Variants in MX1 observed in about 807,000 individuals in gnomAD.
The protein encoded by MX1 is interferon-induced GTP-binding protein Mx1.
MX1 carries 66 observed loss-of-function variants against 66.4 expected under a neutral mutation model. The ratio of observed to expected loss-of-function variants is 0.99; its 90% CI spans 0.82 to 1.22. The LOEUF (loss-of-function observed/expected upper bound fraction) is 1.22. MX1 is among the 50% of genes most tolerant of loss of function. The pLI is 0.00. For synonymous variants in MX1, 311 were observed against 318.1 expected, an observed-to-expected ratio of 0.98 and a Z score of 0.24; for missense variants, 787 against 834.3, an observed-to-expected ratio of 0.94 and a Z score of 0.70.
rs201917562 is a variant in MX1 at position 41,439,694 on chromosome 21, C to A, written c.437C>A (p.Ala146Asp). 1.5e-5 allele frequency: 25 copies of A among 1,613,226 alleles called. No individual in the cohort carries two copies. Among genetic ancestry groups the A allele is most frequent in the Non-Finnish European group, 2.1e-5 (25 of 1,179,364 alleles). ...ASEVEKEINK[A>D]QNAIAGEGMG... ...TTGATTTTCCCTGTCTCTTTTCTAG[C>A]CCAGAATGCCATCGCCGGGGAAGGA... Residue 146 changes from alanine (A) to aspartate (D), a missense_variant and splice_region_variant, in exon 8 of 17, where the codon GCC (alanine) becomes GAC (aspartate). Ala to Asp is a moderately radical substitution (Grantham distance 126). Coordinates refer to ENST00000398598, the MANE Select transcript of MX1 (RefSeq NM_002462.5).
At chr21:41,437,304 C>A in intron 7 of MX1, 152 bp downstream of exon 7, 1 of 784,988 alleles carries the variant, frequency 1.3e-6, no homozygotes. Context: ...TCTTTTACCT[C>A]ATTATGACCA....
At chr21:41,425,667 C>T (rs1432711803), upstream of MX1, among the ~76,000 whole-genome samples, 2 of 152,114 alleles carry the variant, frequency 1.3e-5, no homozygotes, top group East Asian at 3.8e-4. Flanking sequence ...CACCCGTTTC[C>T]ACCCTGGAGA....
chr21:41,441,738 G>A lies in MX1; in HGVS notation c.753G>A (p.Leu251=), dbSNP rs867003385. Residue 251 remains leucine (L), a synonymous_variant, in exon 10 of 17, where the codon CTG becomes CTA. Coordinates refer to ENST00000398598, the MANE Select transcript of MX1 (RefSeq NM_002462.5). This position sits in a 1 kb window ranked among gnomAD's most constrained non-coding sequence, Gnocchi z 4.0. ...RTIGILTKPD[L]VDKGTEDKVV... is the part of the protein sequence containing the mutation. ...CAGGAATCTTGACGAAGCCTGATCTGGTGGACAAAGGAACTGAAGACAAGG... is the reference window on the plus strand; with the variant it reads ...CAGGAATCTTGACGAAGCCTGATCTAGTGGACAAAGGAACTGAAGACAAGG... The A allele has an allele frequency of 6.2e-7, 1 of 1,614,180 alleles. No individual in the cohort carries two copies. Among genetic ancestry groups the A allele is most frequent in the Middle Eastern group, 1.6e-4 (1 of 6,062 alleles).
intron 14 of MX1, among the ~76,000 whole-genome samples, chr21:41,450,012 C>T (rs1291082469): frequency 6.6e-6 from 1 of 152,180 alleles, no homozygotes; most frequent in Non-Finnish European, 1.5e-5. Flanking sequence ...ACGAGATACT[C>T]CTAAGGCTGG....
intron 11 of MX1, 71 bp downstream of exon 11, chr21:41,443,937 C>T: frequency 7.2e-7 from 1 of 1,386,012 alleles, no homozygotes; most frequent in East Asian, 2.3e-5. Flanking sequence ...TTGCTGGCTT[C>T]TTAAACATCA....
chr21:41,442,006 A>AGTGTGTGTGTGTGTGT, intron 10 of MX1, 92 bp downstream of exon 10: 2 of 909,314 alleles, frequency 2.2e-6, no homozygotes, highest in Non-Finnish European at 3.5e-6. Flanking sequence ...AGATGTGTGG[A>AGTGTGTGTGTGTGTGT]GTGTGTGTGT....
In MX1 at chr21:41,441,444, A is replaced by G; in HGVS notation, c.731-272A>G. 1 of 530,814 alleles carries G rather than the reference A, an allele frequency of 1.9e-6. No individual in the cohort carries two copies. The highest frequency in any genetic ancestry group is 3.4e-6 in the Non-Finnish European group (1 of 292,588). 32.9% of individuals were successfully genotyped at this position (530,814 alleles called of 1,614,324 possible). On this transcript the variant is annotated intron_variant, in intron 9 of 16. Coordinates refer to ENST00000398598, the MANE Select transcript of MX1 (RefSeq NM_002462.5). The surrounding 1 kb of genome is among the most constrained non-coding windows in gnomAD (Gnocchi z 4.0). ...GGGATGTCCATAACTCAAGGGATAA[A>G]CAAAACGTGGCGTGTTCTACAGTGG... is the stretch of plus-strand genomic sequence containing the variant.
At chr21:41,447,720 C>T (rs1007255108) in intron 13 of MX1, among the ~76,000 whole-genome samples, 7 of 152,052 alleles carry the variant, frequency 4.6e-5, no homozygotes, top group African/African-American at 1.7e-4. Flanking sequence ...CTAAAATTCA[C>T]TCACCCATAC....
At chr21:41,435,665 A>G (rs1055654132) in intron 5 of MX1, among the ~76,000 whole-genome samples, 172 bp from the exon 6 acceptor site, 1 of 152,182 alleles carries the variant, frequency 6.6e-6, no homozygotes, top group Non-Finnish European at 1.5e-5. Context: ...TGAGAACAGC[A>G]TGGGGGAAAC....
rs10693544 is a variant in MX1 at position 41,442,006 on chromosome 21, AGTGTGTGT to A, written c.929+104_929+111del. 5.3e-5 allele frequency: 48 copies of A among 909,914 alleles called. No individual in the cohort carries two copies. In the East Asian group the frequency reaches 1.1e-3, roughly 21 times the overall value. The allele number at this position is 909,914 out of a possible 1,614,324, so 56.4% of individuals were successfully genotyped here. ...TGGCAGCCGTCCCACAGATGTGTGG[AGTGTGTGT>A]GTGTGTGTGTGCGTGTGTGTGTGTG... On this transcript the variant is annotated intron_variant, in intron 10 of 16. Coordinates refer to ENST00000398598, the MANE Select transcript of MX1 (RefSeq NM_002462.5).
At position 41,440,873 on chromosome 21, in the gene MX1, T is replaced by A. The variant is rs1225683062; in HGVS notation, c.592-14T>A. 1 of 1,614,098 alleles carries A rather than the reference T, an allele frequency of 6.2e-7. No individual in the cohort carries two copies. The highest frequency in any genetic ancestry group is 8.5e-7 in the Non-Finnish European group (1 of 1,179,960). On this transcript the variant is annotated splice_polypyrimidine_tract_variant and intron_variant, in intron 8 of 16. Transcript: ENST00000398598. ...TGCCATACTCACGAGTCACCTCCTC[T>A]CATTTCCTTACAGATCAAGACACTC... is the stretch of plus-strand genomic sequence containing the variant.
At chr21:41,447,579 C>G (rs532883816) in intron 13 of MX1, among the ~76,000 whole-genome samples, 2 of 152,220 alleles carry the variant, frequency 1.3e-5, no homozygotes, top group South Asian at 4.2e-4. Context: ...CAGGCAAACC[C>G]AGGCAGGCAG....
At chr21:41,439,659 C>T in intron 7 of MX1, 35 bp from the exon 8 acceptor site, 2 of 1,606,078 alleles carry the variant, frequency 1.2e-6, no homozygotes, top group South Asian at 1.1e-5. Flanking sequence ...ATCCTAAGCT[C>T]TGTTTGGGTT....
upstream of MX1, chr21:41,423,387 C>T (rs1291664493): frequency 2.0e-5 from 3 of 152,220 alleles, no homozygotes; most frequent in African/African-American, 7.2e-5. Context: ...GGGAGGGAAC[C>T]CAAAGGGGGT....
rs193121938 is a variant in MX1, at chr21:41,451,555, C to T, written c.1509+312C>T. On this transcript the variant is annotated intron_variant, in intron 15 of 16. Transcript: ENST00000398598. ...CATATAAAAATAGAATATTTCTGGC[C>T]CGAGTGGGCATGATGAGCCTGTAAT... Among the ~76,000 whole-genome samples the T allele has an allele frequency of 2.0e-3, 297 of 152,192 alleles. 1 individual carries two copies. Among genetic ancestry groups the T allele is most frequent in the Middle Eastern group, 6.8e-3 (2 of 294 alleles).
At chr21:41,443,907 T>C (rs373701326) in intron 11 of MX1, 41 bp downstream of exon 11, 193 of 1,577,074 alleles carry the variant, frequency 1.2e-4, no homozygotes, top group Non-Finnish European at 2.6e-5. Context: ...AAAAGAATAC[T>C]ACGACCGCAG....
rs778536407 is a variant in MX1 at position 41,432,147 on chromosome 21, C to A, written c.77C>A (p.Ala26Asp). The change falls in exon 5 of 17, where the codon GCT becomes GAT. Residue 26 changes from alanine (A) to aspartate (D), a missense_variant. Physicochemically the swap from Ala to Asp is moderately radical, Grantham distance 126. Transcript: ENST00000398598. ...CACCCTCTATTACTGAATGGAGATG[C>A]TACTGTGGCCCAGAAAAATCCAGGC... is the stretch of plus-strand genomic sequence containing the variant. The part of the protein sequence containing the change: ...ASHPLLLNGD[A>D]TVAQKNPGSV... 3 of 1,613,974 alleles carry A rather than the reference C, an allele frequency of 1.9e-6. No homozygotes were observed. The highest frequency in any genetic ancestry group is 1.7e-6 in the Non-Finnish European group (2 of 1,180,042).
chr21:41,448,356 T>C (rs1203450278), intron 13 of MX1, among the ~76,000 whole-genome samples: 3 of 152,250 alleles, frequency 2.0e-5, no homozygotes, highest in African/African-American at 7.2e-5. Context: ...GGCAATACTT[T>C]CGACACATGA....
intron 10 of MX1, chr21:41,443,520 C>CTATAGT (rs2090575300): frequency 2.1e-6 from 1 of 474,864 alleles, no homozygotes; most frequent in Admixed American, 3.6e-5. Flanking sequence ...TTTGTGATGA[C>CTATAGT]CAAGTCTATA....
Sources: allele counts gnomAD v4.1 joint callset (sites outside exome capture counted in the v4.1 genomes callset), GRCh38; gene constraint gnomAD v4.1.1; non-coding constraint Gnocchi (gnomAD v3.1); transcripts MANE v1.5; gene names NCBI Gene and HGNC (gene_info 2026-07-23, HGNC 2026-07-21).